NLRP1: variants seen among roughly 807,000 people sequenced by gnomAD.
NLRP1 encodes NLR family pyrin domain containing 1, also known as NACHT, LRR and PYD domains-containing protein 1.
In NLRP1, 94 loss-of-function variants were observed where a neutral mutation model predicts 136.7. The ratio of observed to expected loss-of-function variants is 0.69; its 90% CI spans 0.58 to 0.82. NLRP1 has a LOEUF of 0.82. Ranked by LOEUF, NLRP1 falls within the 40% of genes least tolerant of loss-of-function variation. The pLI, the probability that NLRP1 is intolerant of heterozygous loss-of-function variation, is 0.00. For synonymous variants in NLRP1, 690 were observed against 725.1 expected, an observed-to-expected ratio of 0.95 and a Z score of 0.78; for missense variants, 1,575 against 1,802.7, an observed-to-expected ratio of 0.87 and a Z score of 2.29.
chr17:5,542,813 C>T lies in NLRP1; in HGVS notation c.2529-786G>A, dbSNP rs1460915557. On this transcript the variant is annotated intron_variant, in intron 5 of 16. Coordinates refer to ENST00000572272, the MANE Select transcript of NLRP1 (RefSeq NM_033004.4). ...TCCTTTCTTTCTCTCTCCTTCCTCCCTCCCTCCTTCCCTCCCTCCCTTCCT... is the reference window on the plus strand; with the variant it reads ...TCCTTTCTTTCTCTCTCCTTCCTCCTTCCCTCCTTCCCTCCCTCCCTTCCT... Among the ~76,000 whole-genome samples, 3 of 149,608 alleles carry T rather than the reference C, an allele frequency of 2.0e-5. No homozygotes were observed. The East Asian group carries it at 6.0e-4, about 30-fold the overall frequency.
chr17:5,555,022 C>CACAA (rs1491058814), intron 4 of NLRP1, among the ~76,000 whole-genome samples: 54 of 55,420 alleles, frequency 9.7e-4, no homozygotes, highest in African/African-American at 1.7e-3. Context: ...TCCCATCACA[C>CACAA]ACACACACAC....
At chr17:5,555,035 A>C (rs1021377466) in intron 4 of NLRP1, among the ~76,000 whole-genome samples, 1 of 151,704 alleles carries the variant, frequency 6.6e-6, no homozygotes, top group Admixed American at 6.6e-5. Flanking sequence ...ACACACACAC[A>C]CACACACACA....
At chr17:5,564,523 A>G (rs759765403) in intron 3 of NLRP1, among the ~76,000 whole-genome samples, 1 of 152,186 alleles carries the variant, frequency 6.6e-6, no homozygotes, top group Non-Finnish European at 1.5e-5. Context: ...GTTGCAAATG[A>G]CTGGGACTCA....
At chr17:5,568,906 TG>T (rs1246294619) in intron 3 of NLRP1, among the ~76,000 whole-genome samples, 1 of 152,172 alleles carries the variant, frequency 6.6e-6, no homozygotes, top group Non-Finnish European at 1.5e-5. Flanking sequence ...ATACAGTCTC[TG>T]TCTCTTCTAA....
chr17:5,574,174 A>G (rs192928648), intron 3 of NLRP1, among the ~76,000 whole-genome samples: 112 of 152,380 alleles, frequency 7.4e-4, no homozygotes, highest in East Asian at 1.2e-3. Context: ...AAGCTTCAGT[A>G]GCCAATTCGA....
At position 5,559,971 on chromosome 17, in the gene NLRP1, G is replaced by C; in HGVS notation, c.725C>G (p.Pro242Arg). Reference protein sequence around the residue: ...PPWAAVVGTPPQAHTSLQPHH... With the variant: ...PPWAAVVGTPRQAHTSLQPHH... ...GGGCTGTAGGCTGGTGTGCGCCTGT[G>C]GGGGCGTTCCTACCACCGCTGCCCA... Residue 242 changes from proline (P) to arginine (R), a missense_variant, in exon 4 of 17, where the codon CCA (proline) becomes CGA (arginine). Coordinates refer to ENST00000572272, the MANE Select transcript of NLRP1 (RefSeq NM_033004.4). The C allele has an allele frequency of 1.2e-6, 2 of 1,613,044 alleles. No individual in the cohort carries two copies. The highest frequency in any genetic ancestry group is 1.1e-5 in the South Asian group (1 of 90,944).
At chr17:5,553,698 C>T (rs1913668664) in intron 4 of NLRP1, 142 bp from the exon 5 acceptor site, 3 of 602,844 alleles carry the variant, frequency 5.0e-6, no homozygotes, top group Non-Finnish European at 8.1e-6. Context: ...ACTGACCAGC[C>T]CTCCCTGCCT....
chr17:5,537,598 G>A lies in NLRP1; in HGVS notation c.2871-658C>T, dbSNP rs1911252651. On this transcript the variant is annotated intron_variant, in intron 7 of 16. Coordinates refer to ENST00000572272, the MANE Select transcript of NLRP1 (RefSeq NM_033004.4). This position sits in a 1 kb window ranked among gnomAD's most constrained non-coding sequence, Gnocchi z 4.5. ...CCTGCCTGTTCTGAGGCCCAGACAA[G>A]GAGGCGGTGAAAAGACCCTGTCTTC... Among the ~76,000 whole-genome samples the A allele has an allele frequency of 6.6e-6, 1 of 152,218 alleles. No homozygotes were observed.
intron 12 of NLRP1, among the ~76,000 whole-genome samples, chr17:5,528,224 C>T (rs1000896381): frequency 1.3e-5 from 2 of 152,204 alleles, no homozygotes; most frequent in African/African-American, 2.4e-5. Context: ...TGGCCACGGT[C>T]TCACTTGTGG....
intron 11 of NLRP1, among the ~76,000 whole-genome samples, chr17:5,532,487 A>G (rs1437114998): frequency 6.6e-6 from 1 of 151,324 alleles, no homozygotes; most frequent in Non-Finnish European, 1.5e-5. Context: ...TGGATTTAAA[A>G]TACTGTAACA....
In NLRP1 at chr17:5,533,371, G is replaced by A. The variant is rs201543088; in HGVS notation, c.3066C>T (p.Ser1022=). Residue 1022 remains serine, a synonymous_variant, in exon 10 of 17, where the codon TCC becomes TCT. Transcript: ENST00000572272. ...GTTTGAGATTAGCCTGAGCAACATGGGAAGCCGCCCTCTCTACAGAAAAAA... is the reference window on the plus strand; with the variant it reads ...GTTTGAGATTAGCCTGAGCAACATGAGAAGCCGCCCTCTCTACAGAAAAAA... The part of the protein sequence containing the change: ...RQRLGSERAA[S]HVAQANLKLL... The A allele has an allele frequency of 8.2e-7, 1 of 1,221,086 alleles. No individual in the cohort carries two copies. Among genetic ancestry groups the A allele is most frequent in the Non-Finnish European group, 1.2e-6 (1 of 845,518 alleles). The allele number at this position is 1,221,086 out of a possible 1,614,324, so 75.6% of individuals were successfully genotyped here.
chr17:5,514,952 C>G lies in NLRP1; in HGVS notation c.4224G>C (p.Leu1408=). 2 of 1,614,226 alleles carry G rather than the reference C, an allele frequency of 1.2e-6. No homozygotes were observed. Among genetic ancestry groups the G allele is most frequent in the Non-Finnish European group, 1.7e-6 (2 of 1,180,026 alleles). Residue 1408 remains leucine, a synonymous_variant, in exon 17 of 17, where the codon CTG becomes CTC. Coordinates refer to ENST00000572272, the MANE Select transcript of NLRP1 (RefSeq NM_033004.4). ...GCACCCTCTCGTACTGCTCCTGGCT[C>G]AGCACCTGTCCATGCAGTTTGTCCA... ...VVLDKLHGQV[L]SQEQYERVLA...
chr17:5,537,058 C>A lies in NLRP1; in HGVS notation c.2871-118G>T. 1 of 693,066 alleles carries A rather than the reference C, an allele frequency of 1.4e-6. No individual in the cohort carries two copies. Among genetic ancestry groups the A allele is most frequent in the East Asian group, 2.7e-5 (1 of 37,638 alleles). 42.9% of individuals were successfully genotyped at this position (693,066 alleles called of 1,614,324 possible). A position where few individuals can be genotyped will look rare whatever the true frequency, so the allele number is the denominator to read the frequency against. The stretch of plus-strand genomic sequence containing the variant: ...AGGCAGCGGCCGCAGGGTGGGTTCC[C>A]TGGAAGCCAGGCTCTGAGGAGGAGG... On this transcript the variant is annotated intron_variant, in intron 7 of 16. Transcript: ENST00000572272. This position sits in a 1 kb window ranked among gnomAD's most constrained non-coding sequence, Gnocchi z 4.5.
intron 5 of NLRP1, among the ~76,000 whole-genome samples, chr17:5,544,254 G>A (rs1912261491): frequency 6.6e-6 from 1 of 152,140 alleles, no homozygotes; most frequent in Non-Finnish European, 1.5e-5. Flanking sequence ...GTTGGGGTGG[G>A]GCATCTTGGG....
At chr17:5,555,077 A>C (rs1260430595) in intron 4 of NLRP1, among the ~76,000 whole-genome samples, 1 of 151,920 alleles carries the variant, frequency 6.6e-6, no homozygotes, top group African/African-American at 2.4e-5. Flanking sequence ...CATAAATGAA[A>C]GCTTACTTGA....
intron 3 of NLRP1, among the ~76,000 whole-genome samples, chr17:5,579,067 C>T (rs1905301540): frequency 6.6e-6 from 1 of 152,002 alleles, no homozygotes; most frequent in Admixed American, 6.6e-5. Flanking sequence ...ACAATGAGAA[C>T]ACCTGGACAC....
chr17:5,575,715 A>T (rs1904943217), intron 3 of NLRP1, among the ~76,000 whole-genome samples: 1 of 152,184 alleles, frequency 6.6e-6, no homozygotes. Context: ...AGACAGATCA[A>T]CGAGACAGAA....
intron 3 of NLRP1, among the ~76,000 whole-genome samples, chr17:5,578,715 G>T (rs1905263003): frequency 6.6e-6 from 1 of 152,170 alleles, no homozygotes; most frequent in Admixed American, 6.5e-5. Flanking sequence ...ATTCCTCAAG[G>T]ATCTAGAACT....
rs778503816 is a variant in NLRP1 at position 5,533,395 on chromosome 17, A to T, written c.3053-11T>A. 1.0e-6 allele frequency: 1 copy of T among 964,634 alleles called. No individual in the cohort carries two copies. The highest frequency in any genetic ancestry group is 2.0e-5 in the Admixed American group (1 of 50,274). 59.8% of individuals were successfully genotyped at this position (964,634 alleles called of 1,614,324 possible). On this transcript the variant is annotated splice_polypyrimidine_tract_variant and intron_variant, in intron 9 of 16. Coordinates refer to ENST00000572272, the MANE Select transcript of NLRP1 (RefSeq NM_033004.4). ...GGGAAGCCGCCCTCTCTACAGAAAA[A>T]AGAAAAATATCAGCCAGGCATGGTG...
Sources: allele counts gnomAD v4.1 joint callset (sites outside exome capture counted in the v4.1 genomes callset), GRCh38; gene constraint gnomAD v4.1.1; non-coding constraint Gnocchi (gnomAD v3.1); transcripts MANE v1.5; gene names NCBI Gene and HGNC (gene_info 2026-07-23, HGNC 2026-07-21).